The following TSPAN5 variants were observed in gnomAD, a reference collection of about 807,000 sequenced individuals.
The protein encoded by TSPAN5 is tetraspanin-5.
A neutral mutation model predicts 37.1 loss-of-function variants in TSPAN5; 10 were observed. The observed-to-expected ratio is 0.27, with a 90% CI of 0.17 to 0.46. The LOEUF (loss-of-function observed/expected upper bound fraction) is 0.46. Ranked by LOEUF, TSPAN5 falls within the 20% of genes least tolerant of loss-of-function variation. The pLI is 1.00. For synonymous variants in TSPAN5, 110 were observed against 118.9 expected, an observed-to-expected ratio of 0.93 and a Z score of 0.48; for missense variants, 195 against 326.6, an observed-to-expected ratio of 0.60 and a Z score of 3.11.
intron 1 of TSPAN5, among the ~76,000 whole-genome samples, chr4:98,534,351 T>C (rs983655192): frequency 6.6e-5 from 10 of 152,232 alleles, no homozygotes; most frequent in African/African-American, 2.4e-4. Flanking sequence ...AAGCCTGAGT[T>C]CTAATTTGAC....
intron 1 of TSPAN5, among the ~76,000 whole-genome samples, chr4:98,538,828 T>C (rs768317424): frequency 1.3e-5 from 2 of 152,240 alleles, no homozygotes; most frequent in Non-Finnish European, 2.9e-5. Context: ...CCTTTGACTG[T>C]AGGTACTGTA....
intron 1 of TSPAN5, among the ~76,000 whole-genome samples, chr4:98,636,556 A>G (rs1178384511): frequency 6.6e-6 from 1 of 152,194 alleles, no homozygotes; most frequent in Non-Finnish European, 1.5e-5. Context: ...AGGTATTATA[A>G]CAATGCAAGT....
chr4:98,506,811 T>C (rs985009485), intron 2 of TSPAN5, among the ~76,000 whole-genome samples: 2 of 152,084 alleles, frequency 1.3e-5, no homozygotes, highest in Admixed American at 1.3e-4. Flanking sequence ...AGCTTTTGTG[T>C]ATAGCCAGAT....
intron 1 of TSPAN5, among the ~76,000 whole-genome samples, chr4:98,595,352 G>C (rs1184590053): frequency 8.5e-6 from 1 of 117,866 alleles, no homozygotes; most frequent in Non-Finnish European, 1.7e-5. Context: ...CTTGCTAGCG[G>C]TCTATCAATT....
chr4:98,527,785 G>A (rs979578405), intron 1 of TSPAN5, among the ~76,000 whole-genome samples: 25 of 152,124 alleles, frequency 1.6e-4, no homozygotes, highest in African/African-American at 5.8e-4. Flanking sequence ...TTAAAAGCCC[G>A]GATGTCATCA....
intron 1 of TSPAN5, among the ~76,000 whole-genome samples, chr4:98,617,513 T>C (rs1222890243): frequency 6.6e-6 from 1 of 152,146 alleles, no homozygotes; most frequent in African/African-American, 2.4e-5. Flanking sequence ...AAAGCACTGC[T>C]TACTGCTCTA....
chr4:98,574,876 T>C (rs2110187118), intron 1 of TSPAN5: 1 of 152,494 alleles, frequency 6.6e-6, no homozygotes. Context: ...TAAATGGTCT[T>C]TGTCCACTGT....
rs987124654 is a variant in TSPAN5, at chr4:98,634,080, A to G, written c.81+24066T>C. On this transcript the variant is annotated intron_variant, in intron 1 of 7. Transcript: ENST00000305798. ...GGCAACAAGAGCGAAACTCTGTCTC[A>G]AAAAAAAAAGGAAAGAAAAGAAAAA... 2.0e-5 allele frequency among the ~76,000 whole-genome samples: 3 copies of G among 148,422 alleles called. No individual in the cohort carries two copies. In the Admixed American group the frequency reaches 2.0e-4, roughly 10 times the overall value.
intron 2 of TSPAN5, among the ~76,000 whole-genome samples, chr4:98,493,594 C>T (rs1240553388): frequency 2.6e-5 from 4 of 152,246 alleles, no homozygotes; most frequent in Admixed American, 6.5e-5. Flanking sequence ...TCAAGATGAT[C>T]GATTCAGAAT....
At chr4:98,583,194 T>C (rs932373533) in intron 1 of TSPAN5, among the ~76,000 whole-genome samples, 14 of 152,214 alleles carry the variant, frequency 9.2e-5, no homozygotes, top group Non-Finnish European at 1.6e-4. Flanking sequence ...ATTTTCACTT[T>C]TATTCTTAAG....
At chr4:98,531,547 T>C (rs1434992289) in intron 1 of TSPAN5, among the ~76,000 whole-genome samples, 1 of 152,260 alleles carries the variant, frequency 6.6e-6, no homozygotes, top group East Asian at 1.9e-4. Flanking sequence ...TGTGTCTTTA[T>C]AGAATGATTT....
At chr4:98,516,604 T>C (rs1403256088) in intron 1 of TSPAN5, among the ~76,000 whole-genome samples, 1 of 152,222 alleles carries the variant, frequency 6.6e-6, no homozygotes, top group Non-Finnish European at 1.5e-5. Flanking sequence ...ACGGTTTGTC[T>C]GCCCTCACCA....
Position 98,471,377 on chromosome 4 carries a change from G to A in TSPAN5, c.*1145C>T, listed in dbSNP as rs2110248691. ...GATCGACTCTGGAAGAGATCATCAA[G>A]ACCAGGGAAGCATTTGGATGGTACA... On this transcript the variant is annotated 3_prime_UTR_variant, in exon 8 of 8. Transcript: ENST00000305798. 1 of 152,278 alleles carries A rather than the reference G, an allele frequency of 6.6e-6. No individual in the cohort carries two copies. Among genetic ancestry groups the A allele is most frequent in the South Asian group, 2.1e-4 (1 of 4,818 alleles). 9.4% of individuals were successfully genotyped at this position (152,278 alleles called of 1,614,324 possible). A position where few individuals can be genotyped will look rare whatever the true frequency, so the allele number is the denominator to read the frequency against.
intron 1 of TSPAN5, among the ~76,000 whole-genome samples, chr4:98,581,628 A>G (rs908475637): frequency 6.6e-6 from 1 of 152,214 alleles, no homozygotes; most frequent in African/African-American, 2.4e-5. Flanking sequence ...CTTTTTATTG[A>G]TTGTATTAAC....
At chr4:98,650,436 C>A (rs1247534130) in intron 1 of TSPAN5, among the ~76,000 whole-genome samples, 3 of 152,100 alleles carry the variant, frequency 2.0e-5, no homozygotes, top group Non-Finnish European at 4.4e-5. Flanking sequence ...AAGGTGGTGG[C>A]AGCTGCAGAA....
intron 1 of TSPAN5, among the ~76,000 whole-genome samples, chr4:98,518,931 C>A (rs1458591954): frequency 6.6e-6 from 1 of 152,208 alleles, no homozygotes; most frequent in African/African-American, 2.4e-5. Flanking sequence ...AAGGGACCAG[C>A]AAGCCATGGG....
At chr4:98,499,090 C>G (rs931209914) in intron 2 of TSPAN5, among the ~76,000 whole-genome samples, 1 of 152,156 alleles carries the variant, frequency 6.6e-6, no homozygotes, top group Non-Finnish European at 1.5e-5. Context: ...AGGTGGTCAC[C>G]TGGAATTGAG....
chr4:98,484,256 A>G (rs925573716), intron 3 of TSPAN5: 1 of 362,610 alleles, frequency 2.8e-6, no homozygotes, highest in African/African-American at 2.1e-5. Flanking sequence ...GCTTCACCCT[A>G]GAGCCTCGGT....
chr4:98,618,115 C>G (rs1756380149), intron 1 of TSPAN5, among the ~76,000 whole-genome samples: 1 of 152,214 alleles, frequency 6.6e-6, no homozygotes, highest in African/African-American at 2.4e-5. Context: ...CATCCTGAAG[C>G]AAACAGGTCC....
Sources: allele counts gnomAD v4.1 joint callset (sites outside exome capture counted in the v4.1 genomes callset), GRCh38; gene constraint gnomAD v4.1.1; transcripts MANE v1.5; gene names NCBI Gene and HGNC (gene_info 2026-07-23, HGNC 2026-07-21).